Variants in ADGRV1 observed in about 807,000 individuals in gnomAD.
The protein encoded by ADGRV1 is G-protein coupled receptor 98.
ADGRV1 carries 359 observed loss-of-function variants against 596.2 expected under a neutral mutation model. The observed-to-expected ratio is 0.60, with a 90% CI of 0.55 to 0.66. ADGRV1 has a LOEUF of 0.66. Among genes scored for constraint, ADGRV1 ranks in the 30% least tolerant of loss-of-function variants. The pLI is 0.00. For missense variants in ADGRV1, 7,274 were observed against 7,575.6 expected (o/e 0.96, Z 1.48); for synonymous variants, 2,681 against 2,679.2 (o/e 1.00, Z -0.02).
chr5:90,687,434 A>G (rs2149602878), intron 29 of ADGRV1, among the ~76,000 whole-genome samples: 1 of 152,230 alleles, frequency 6.6e-6, no homozygotes, highest in South Asian at 2.1e-4. Flanking sequence ...ACATATGGCT[A>G]GTCAGTTTTT....
intron 83 of ADGRV1, among the ~76,000 whole-genome samples, chr5:90,918,377 G>A (rs1293704684): frequency 1.3e-5 from 2 of 152,134 alleles, no homozygotes; most frequent in Admixed American, 1.3e-4. Context: ...GGCCAGATCT[G>A]TTTTATTAAG....
chr5:90,565,246 A>T (rs1426241965), intron 1 of ADGRV1, among the ~76,000 whole-genome samples: 2 of 152,180 alleles, frequency 1.3e-5, no homozygotes, highest in South Asian at 4.1e-4. Context: ...TCAAAAAAAA[A>T]GTTGTGCAAC....
chr5:90,664,960 A>G (rs1771052596), intron 21 of ADGRV1, among the ~76,000 whole-genome samples: 1 of 152,062 alleles, frequency 6.6e-6, no homozygotes, highest in Non-Finnish European at 1.5e-5. Flanking sequence ...CCAGGGATGA[A>G]GCCCACTTGA....
intron 87 of ADGRV1, among the ~76,000 whole-genome samples, chr5:91,139,830 G>A (rs1009471797): frequency 6.6e-6 from 1 of 152,134 alleles, no homozygotes; most frequent in African/African-American, 2.4e-5. Context: ...ATGAACAAAT[G>A]CCTCTTTCTC....
chr5:91,142,651 T>C (rs1379372567), intron 87 of ADGRV1, among the ~76,000 whole-genome samples: 1 of 152,188 alleles, frequency 6.6e-6, no homozygotes, highest in Non-Finnish European at 1.5e-5. Flanking sequence ...CTTTCCTATC[T>C]CATACGGAAC....
At chr5:90,581,201 T>TG (rs1453490598) in intron 1 of ADGRV1, among the ~76,000 whole-genome samples, 1 of 152,224 alleles carries the variant, frequency 6.6e-6, no homozygotes, top group Non-Finnish European at 1.5e-5. Flanking sequence ...GGTTAGAACA[T>TG]GCTCATTTAG....
chr5:91,115,423 G>A (rs1792765019), intron 87 of ADGRV1, among the ~76,000 whole-genome samples: 1 of 152,114 alleles, frequency 6.6e-6, no homozygotes, highest in Non-Finnish European at 1.5e-5. Flanking sequence ...ATATACTCCT[G>A]GGCCGGCATC....
chr5:90,809,136 T>C (rs6860302), intron 73 of ADGRV1, among the ~76,000 whole-genome samples: 7,064 of 151,728 alleles, frequency 0.047, 582 homozygotes, highest in African/African-American at 0.16. Flanking sequence ...TTTTGTATTT[T>C]TAGTAGAGAT....
intron 50 of ADGRV1, among the ~76,000 whole-genome samples, chr5:90,742,615 A>G (rs1561639971): frequency 1.3e-5 from 2 of 151,934 alleles, no homozygotes; most frequent in African/African-American, 2.4e-5. Flanking sequence ...AAGAGAGAGC[A>G]TGTGTGTGTG....
At chr5:90,697,176 A>T in intron 34 of ADGRV1, 30 bp downstream of exon 34, 1 of 1,569,372 alleles carries the variant, frequency 6.4e-7, no homozygotes, top group Non-Finnish European at 8.7e-7. Flanking sequence ...AAGCATATTC[A>T]TTTTCTTTTC....
chr5:91,006,067 T>C (rs1040975173), intron 85 of ADGRV1, among the ~76,000 whole-genome samples: 1 of 152,148 alleles, frequency 6.6e-6, no homozygotes, highest in Non-Finnish European at 1.5e-5. Flanking sequence ...CTAGAATACT[T>C]GTAGAGTGGC....
At position 90,745,584 on chromosome 5, in the gene ADGRV1, A is replaced by C; in HGVS notation, c.10770-7A>C. On this transcript the variant is annotated splice_polypyrimidine_tract_variant and splice_region_variant and intron_variant, in intron 51 of 89. Coordinates refer to ENST00000405460, the MANE Select transcript of ADGRV1 (RefSeq NM_032119.4). ...TTGACTTATTTTGTATATGCTTCTT[A>C]TGGTAGTTCAGGTGAACTGATATTT... 1 of 1,595,096 alleles carries C rather than the reference A, an allele frequency of 6.3e-7. No individual in the cohort carries two copies. The highest frequency in any genetic ancestry group is 8.6e-7 in the Non-Finnish European group (1 of 1,166,120).
At chr5:90,863,165 A>G (rs1767770017) in intron 82 of ADGRV1, among the ~76,000 whole-genome samples, 1 of 152,204 alleles carries the variant, frequency 6.6e-6, no homozygotes. Flanking sequence ...ACACATGTAT[A>G]CCCTGCCTTT....
chr5:91,000,668 C>CTGTGTGTGTGTG (rs6149110), intron 85 of ADGRV1, among the ~76,000 whole-genome samples: 2,384 of 141,182 alleles, frequency 0.017, 39 homozygotes, highest in African/African-American at 0.035. Context: ...CTTACAGGAT[C>CTGTGTGTGTGTG]TGTGTGTGTG....
At chr5:90,648,509 C>T (rs1165493475) in intron 17 of ADGRV1, among the ~76,000 whole-genome samples, 1 of 152,128 alleles carries the variant, frequency 6.6e-6, no homozygotes, top group Non-Finnish European at 1.5e-5. Flanking sequence ...TGAGCTCTAA[C>T]GTTTGCATCG....
intron 4 of ADGRV1, among the ~76,000 whole-genome samples, chr5:90,620,285 T>C (rs1299692821): frequency 1.3e-5 from 2 of 152,102 alleles, no homozygotes; most frequent in Non-Finnish European, 1.5e-5. Flanking sequence ...TTTTTAATGA[T>C]TGCCATTCTA....
chr5:90,811,630 C>T (rs1169818116), intron 74 of ADGRV1, among the ~76,000 whole-genome samples: 1 of 152,026 alleles, frequency 6.6e-6, no homozygotes, highest in African/African-American at 2.4e-5. Flanking sequence ...ATCATCCAAA[C>T]ACATGATTGC....
At position 91,163,845 on chromosome 5, in the gene ADGRV1, C is replaced by A; in HGVS notation, c.18866C>A (p.Thr6289Asn). 2 of 1,608,142 alleles carry A rather than the reference C, an allele frequency of 1.2e-6. No homozygotes were observed. The highest frequency in any genetic ancestry group is 8.5e-7 in the Non-Finnish European group (1 of 1,176,130). Reference protein sequence around the residue: ...GQGSQEGGTLTDSQIVELRRI... With the variant: ...GQGSQEGGTLNDSQIVELRRI... Reference sequence around the variant, plus strand: ...GGCAGCCAGGAGGGGGGCACCTTGACTGACTCCCAGATCGTGGAGCTCAGG... The same window carrying A: ...GGCAGCCAGGAGGGGGGCACCTTGAATGACTCCCAGATCGTGGAGCTCAGG... Residue 6289 changes from threonine (T) to asparagine (N), a missense_variant, in exon 90 of 90, where the codon ACT (threonine) becomes AAT (asparagine). Physicochemically the swap from Thr to Asn is moderately conservative, Grantham distance 65. This residue lies in a region of ADGRV1 where 1,874 missense variants were observed against 1,970.2 expected (regional missense o/e 0.95). Transcript: ENST00000405460.
intron 4 of ADGRV1, among the ~76,000 whole-genome samples, chr5:90,621,273 T>TA (rs1764029786): frequency 6.6e-6 from 1 of 152,232 alleles, no homozygotes; most frequent in South Asian, 2.1e-4. Context: ...CAATTGGTTG[T>TA]ATTGTATGTC....
Sources: allele counts gnomAD v4.1 joint callset (sites outside exome capture counted in the v4.1 genomes callset), GRCh38; gene constraint gnomAD v4.1.1; regional missense constraint gnomAD v4.1.1; transcripts MANE v1.5; gene names NCBI Gene and HGNC (gene_info 2026-07-23, HGNC 2026-07-21).